The following SNCAIP variants were observed in gnomAD, a reference collection of about 807,000 sequenced individuals.
SNCAIP encodes the protein synuclein alpha interacting protein.
Under a neutral mutation model 86.7 loss-of-function variants are expected in SNCAIP, and 43 were observed. The ratio of observed to expected loss-of-function variants is 0.50; its 90% CI spans 0.39 to 0.64. SNCAIP has a LOEUF of 0.64. Among genes scored for constraint, SNCAIP ranks in the 30% least tolerant of loss-of-function variants. The probability of loss-of-function intolerance (pLI) is 0.00; values close to 1 mark genes in which losing one functional copy is unlikely to be tolerated. For synonymous variants in SNCAIP, 417 were observed against 427.2 expected (o/e 0.98, Z 0.29); for missense variants, 981 against 1,103.1 (o/e 0.89, Z 1.57).
chr5:122,401,088 G>A, intron 2 of SNCAIP: 1 of 1,550,086 alleles, frequency 6.5e-7, no homozygotes. Context: ...ACTGACAGTA[G>A]TTGCTGCCCT....
At chr5:122,432,926 CTG>C (rs1165408024) in intron 6 of SNCAIP, among the ~76,000 whole-genome samples, 2 of 152,082 alleles carry the variant, frequency 1.3e-5, no homozygotes, top group East Asian at 3.9e-4. Context: ...ATGCATTTAA[CTG>C]TATTCTCTCT....
At chr5:122,334,685 A>C (rs1246667539) in intron 1 of SNCAIP, among the ~76,000 whole-genome samples, 1 of 152,244 alleles carries the variant, frequency 6.6e-6, no homozygotes, top group Non-Finnish European at 1.5e-5. Flanking sequence ...GATTTATATT[A>C]GGAGAAATTT....
intron 10 of SNCAIP, among the ~76,000 whole-genome samples, chr5:122,455,109 C>T (rs1311956635): frequency 6.6e-6 from 1 of 152,116 alleles, no homozygotes; most frequent in East Asian, 1.9e-4. Flanking sequence ...CATCTTGACC[C>T]CTTCTCCTCA....
intron 1 of SNCAIP, among the ~76,000 whole-genome samples, chr5:122,357,951 G>A (rs539057319): frequency 8.5e-5 from 13 of 152,122 alleles, no homozygotes; most frequent in Non-Finnish European, 1.6e-4. Context: ...AGCCTGTTTG[G>A]TTCATTCACT....
intron 10 of SNCAIP, 97 bp downstream of exon 10, chr5:122,451,698 C>A (rs1312159678): frequency 3.2e-6 from 3 of 935,256 alleles, no homozygotes; most frequent in East Asian, 2.6e-5. Context: ...TTGAGGGAAT[C>A]CCCAGGAAAA....
At chr5:122,316,640 G>C (rs1751787383) in intron 1 of SNCAIP, among the ~76,000 whole-genome samples, 1 of 152,178 alleles carries the variant, frequency 6.6e-6, no homozygotes, top group African/African-American at 2.4e-5. Context: ...TTTTCTCGTG[G>C]AAAATAAAGA....
intron 6 of SNCAIP, among the ~76,000 whole-genome samples, chr5:122,433,833 C>A (rs1028997953): frequency 1.3e-5 from 2 of 152,168 alleles, no homozygotes; most frequent in African/African-American, 4.8e-5. Context: ...AATACACATT[C>A]TGTAGAAACC....
At chr5:122,435,343 G>A (rs185537415) in intron 6 of SNCAIP, among the ~76,000 whole-genome samples, 2 of 152,292 alleles carry the variant, frequency 1.3e-5, no homozygotes, top group African/African-American at 4.8e-5. Flanking sequence ...CAAAGCTACT[G>A]CCTGTGTAAC....
intron 9 of SNCAIP, 46 bp from the exon 10 acceptor site, chr5:122,450,487 C>A: frequency 7.2e-7 from 1 of 1,382,366 alleles, no homozygotes; most frequent in Non-Finnish European, 1.0e-6. Flanking sequence ...TGAGTCATTT[C>A]AACCCAGTAG....
At chr5:122,421,755 T>A (rs1343386475) in intron 3 of SNCAIP, among the ~76,000 whole-genome samples, 3 of 152,118 alleles carry the variant, frequency 2.0e-5, no homozygotes, top group Non-Finnish European at 4.4e-5. Context: ...TTTCCAAGGG[T>A]ACTGGGTCAT....
At chr5:122,363,548 T>C (rs750499931) in intron 1 of SNCAIP, among the ~76,000 whole-genome samples, 3 of 151,916 alleles carry the variant, frequency 2.0e-5, no homozygotes, top group African/African-American at 4.8e-5. Context: ...GAAGGGAAAA[T>C]GGGTGTAGAA....
At chr5:122,311,616 T>C (rs1750591156), upstream of SNCAIP, 1 of 149,698 alleles carries the variant, frequency 6.7e-6, no homozygotes, top group African/African-American at 2.5e-5. Context: ...CGGTTAACGC[T>C]TGGATCACGG....
chr5:122,444,791 C>T, intron 8 of SNCAIP, 59 bp downstream of exon 8: 2 of 1,394,876 alleles, frequency 1.4e-6, no homozygotes, highest in Non-Finnish European at 2.0e-6. Flanking sequence ...TGTACTTAGG[C>T]TTCAGCCCCA....
Position 122,450,943 on chromosome 5 carries a change from C to A in SNCAIP, c.2096C>A (p.Pro699Gln). ...ACCCCAGTGAGGAAGGCTGACCGACCAAGGCCGCAGCCCATTGTAGAAAGC... is the reference window on the plus strand; with the variant it reads ...ACCCCAGTGAGGAAGGCTGACCGACAAAGGCCGCAGCCCATTGTAGAAAGC... ...KTTPVRKADR[P>Q]RPQPIVESVE... The change falls in exon 10 of 11, where the codon CCA becomes CAA. Residue 699 changes from proline to glutamine, a missense_variant. Physicochemically the swap from Pro to Gln is moderately conservative, Grantham distance 76 (BLOSUM62 -1). Transcript: ENST00000261368. 6.2e-7 allele frequency: 1 copy of A among 1,614,146 alleles called. No individual in the cohort carries two copies. Among genetic ancestry groups the A allele is most frequent in the Non-Finnish European group, 8.5e-7 (1 of 1,180,024 alleles).
chr5:122,462,875 G>A (rs1381520287), intron 10 of SNCAIP, among the ~76,000 whole-genome samples: 5 of 152,092 alleles, frequency 3.3e-5, no homozygotes, highest in East Asian at 1.9e-4. Context: ...CCTACCCAAG[G>A]GAAAATTTAT....
At chr5:122,408,697 G>A (rs906851162) in intron 3 of SNCAIP, among the ~76,000 whole-genome samples, 3 of 152,168 alleles carry the variant, frequency 2.0e-5, no homozygotes, top group Non-Finnish European at 4.4e-5. Context: ...CCACAAGGTG[G>A]GAAGGAAGCA....
chr5:122,343,813 C>T (rs1234676875), intron 1 of SNCAIP, among the ~76,000 whole-genome samples: 1 of 152,146 alleles, frequency 6.6e-6, no homozygotes, highest in Non-Finnish European at 1.5e-5. Flanking sequence ...TCAGACAGTG[C>T]CCAGTGTCCC....
chr5:122,394,441 A>G (rs1056046555), intron 2 of SNCAIP, among the ~76,000 whole-genome samples: 3 of 152,250 alleles, frequency 2.0e-5, no homozygotes, highest in African/African-American at 7.2e-5. Context: ...AATAACGCAC[A>G]TCCTTTGCAA....
intron 10 of SNCAIP, 47 bp from the exon 11 acceptor site, chr5:122,463,444 G>T: frequency 1.8e-6 from 2 of 1,101,692 alleles, no homozygotes; most frequent in South Asian, 2.5e-5. Flanking sequence ...CTTGTAACTT[G>T]ACCATAGTTT....
Sources: gnomAD v4.1 joint callset for allele counts (sites outside exome capture counted in the v4.1 genomes callset) on GRCh38, gnomAD v4.1.1 for gene constraint, MANE v1.5 for transcripts, NCBI Gene and HGNC (gene_info 2026-07-23, HGNC 2026-07-21) for gene names.